CYRIA: variants seen among roughly 807,000 people sequenced by gnomAD.
CYRIA encodes the protein CYFIP related Rac1 interactor A, also known as CYFIP-related Rac1 interactor A.
CYRIA carries 15 observed loss-of-function variants against 43.9 expected under a neutral mutation model. The ratio of observed to expected loss-of-function variants is 0.34; its 90% CI spans 0.23 to 0.53. The LOEUF is 0.53. Among genes scored for constraint, CYRIA ranks in the 20% least tolerant of loss-of-function variants. The pLI, the probability that CYRIA is intolerant of heterozygous loss-of-function variation, is 0.94. For synonymous variants in CYRIA, 117 were observed against 136.0 expected (o/e 0.86, Z 0.97); for missense variants, 236 against 394.2 (o/e 0.60, Z 3.40).
chr2:16,558,647 A>G (rs926252401), intron 10 of CYRIA, among the ~76,000 whole-genome samples: 4 of 152,206 alleles, frequency 2.6e-5, no homozygotes, highest in African/African-American at 4.8e-5. Flanking sequence ...CACCAAAATC[A>G]TGTGTTTTCA....
rs954325360 is a variant in CYRIA, at chr2:16,551,397, C to T, written c.*1539G>A. 1 of 152,114 alleles carries T rather than the reference C, an allele frequency of 6.6e-6. No homozygotes were observed. Among genetic ancestry groups the T allele is most frequent in the Non-Finnish European group, 1.5e-5 (1 of 68,028 alleles). 9.4% of individuals were successfully genotyped at this position (152,114 alleles called of 1,614,324 possible). ...GGAAACAGGCAAGTAACAATATAGA[C>T]CAGACTGAGGATTTACTTAGAAGGG... is the stretch of plus-strand genomic sequence containing the variant. On this transcript the variant is annotated 3_prime_UTR_variant, in exon 12 of 12. Coordinates refer to ENST00000381323, the MANE Select transcript of CYRIA (RefSeq NM_030797.4).
intron 2 of CYRIA, among the ~76,000 whole-genome samples, chr2:16,598,824 C>A (rs1212594291): frequency 1.6e-5 from 2 of 123,678 alleles, no homozygotes; most frequent in Non-Finnish European, 3.2e-5. Context: ...TTTAGAGTTT[C>A]CAGTTTTTCT....
At chr2:16,660,483 A>ATAC (rs1419309317) in intron 1 of CYRIA, among the ~76,000 whole-genome samples, 1 of 152,214 alleles carries the variant, frequency 6.6e-6, no homozygotes, top group Non-Finnish European at 1.5e-5. Flanking sequence ...TGCACTTTGT[A>ATAC]AAACACTGGC....
intron 1 of CYRIA, among the ~76,000 whole-genome samples, chr2:16,663,177 A>T (rs921111778): frequency 2.0e-5 from 3 of 152,194 alleles, no homozygotes; most frequent in Non-Finnish European, 2.9e-5. Context: ...TGGGTCCTTC[A>T]GCCTTTCAAA....
At chr2:16,605,680 A>G (rs1404222062) in intron 2 of CYRIA, among the ~76,000 whole-genome samples, 1 of 152,214 alleles carries the variant, frequency 6.6e-6, no homozygotes, top group Non-Finnish European at 1.5e-5. Flanking sequence ...CTAGAAAGTA[A>G]AAGGGAACAC....
intron 1 of CYRIA, among the ~76,000 whole-genome samples, chr2:16,659,931 G>T (rs1046588747): frequency 6.6e-6 from 1 of 152,036 alleles, no homozygotes; most frequent in Admixed American, 6.5e-5. Context: ...TGGTCCCTCT[G>T]TGCCACTCCT....
intron 3 of CYRIA, among the ~76,000 whole-genome samples, chr2:16,579,809 T>TA: frequency 6.6e-6 from 1 of 152,168 alleles, no homozygotes; most frequent in East Asian, 1.9e-4. Flanking sequence ...AACACCAAGA[T>TA]AGACTCAAAT....
chr2:16,586,273 T>C (rs1667726100), intron 3 of CYRIA, among the ~76,000 whole-genome samples: 1 of 152,080 alleles, frequency 6.6e-6, no homozygotes, highest in African/African-American at 2.4e-5. Context: ...TGATAAGAAA[T>C]GGATGGGAAC....
intron 1 of CYRIA, among the ~76,000 whole-genome samples, chr2:16,643,772 T>C (rs1296483140): frequency 6.6e-6 from 1 of 152,170 alleles, no homozygotes; most frequent in Admixed American, 6.5e-5. Context: ...AGAGCCTTTG[T>C]ACAATGAATG....
In CYRIA at chr2:16,631,560, C is replaced by T. The variant is rs544936490; in HGVS notation, c.-166-7541G>A. On this transcript the variant is annotated intron_variant, in intron 1 of 11. Coordinates refer to ENST00000381323, the MANE Select transcript of CYRIA (RefSeq NM_030797.4). Reference sequence around the variant, plus strand: ...TAGAAAGAGCCTGGGGACTCAAGCCCAACAATCATAAACCTCAGTCTCAGG... The same window carrying T: ...TAGAAAGAGCCTGGGGACTCAAGCCTAACAATCATAAACCTCAGTCTCAGG... Among the ~76,000 whole-genome samples, 140 of 152,304 alleles carry T rather than the reference C, an allele frequency of 9.2e-4. 1 individual carries two copies. The highest frequency in any genetic ancestry group is 1.8e-3 in the Non-Finnish European group (121 of 68,032).
chr2:16,571,934 A>G (rs1028101192), intron 3 of CYRIA, among the ~76,000 whole-genome samples: 2 of 152,248 alleles, frequency 1.3e-5, no homozygotes, highest in Admixed American at 6.5e-5. Flanking sequence ...AAAATGGAAA[A>G]GGTCTGCCAG....
chr2:16,628,872 C>T (rs1669240512), intron 1 of CYRIA, among the ~76,000 whole-genome samples: 1 of 152,170 alleles, frequency 6.6e-6, no homozygotes, highest in Non-Finnish European at 1.5e-5. Context: ...AGCTTGTTGG[C>T]CTTATAGATA....
At chr2:16,575,724 C>T (rs1056298928) in intron 3 of CYRIA, among the ~76,000 whole-genome samples, 16 of 151,974 alleles carry the variant, frequency 1.1e-4, no homozygotes, top group East Asian at 5.8e-4. Context: ...GGCGTGATGG[C>T]GGGCGCCTGT....
intron 1 of CYRIA, among the ~76,000 whole-genome samples, chr2:16,660,803 A>G (rs1670232051): frequency 6.6e-6 from 1 of 152,206 alleles, no homozygotes; most frequent in South Asian, 2.1e-4. Flanking sequence ...GCCCTGAGAT[A>G]ATTGCAAATA....
chr2:16,552,323 T>C lies in CYRIA; in HGVS notation c.*613A>G, dbSNP rs569812237. On this transcript the variant is annotated 3_prime_UTR_variant, in exon 12 of 12. Coordinates refer to ENST00000381323, the MANE Select transcript of CYRIA (RefSeq NM_030797.4). The stretch of plus-strand genomic sequence containing the variant: ...AAATACAGGAGATTTTTTTTTCATG[T>C]GAAATTAAAGGAGAACATTAGAGGG... 2 of 152,028 alleles carry C rather than the reference T, an allele frequency of 1.3e-5. No homozygotes were observed. The highest frequency in any genetic ancestry group is 4.2e-4 in the South Asian group (2 of 4,816). 9.4% of individuals were successfully genotyped at this position (152,028 alleles called of 1,614,324 possible).
intron 1 of CYRIA, among the ~76,000 whole-genome samples, chr2:16,625,512 T>C (rs912659110): frequency 6.6e-6 from 1 of 152,102 alleles, no homozygotes; most frequent in African/African-American, 2.4e-5. Context: ...TGGACGTTAG[T>C]GGAGCTGGGC....
intron 6 of CYRIA, 78 bp from the exon 7 acceptor site, chr2:16,561,611 T>C: frequency 6.4e-6 from 7 of 1,090,472 alleles, no homozygotes; most frequent in Non-Finnish European, 8.4e-6. Context: ...GCCCAGACAC[T>C]AGATTTTATA....
At chr2:16,566,345 AT>A (rs1293813098) in intron 3 of CYRIA, among the ~76,000 whole-genome samples, 4 of 152,184 alleles carry the variant, frequency 2.6e-5, no homozygotes, top group African/African-American at 9.7e-5. Context: ...GCAACTGAAT[AT>A]TTCTGCTTTG....
At chr2:16,622,407 G>A (rs1376562713) in intron 2 of CYRIA, among the ~76,000 whole-genome samples, 6 of 152,162 alleles carry the variant, frequency 3.9e-5, no homozygotes, top group African/African-American at 1.2e-4. Context: ...TTTTTAAATC[G>A]TTGGGGCTTA....
Sources: allele counts gnomAD v4.1 joint callset (sites outside exome capture counted in the v4.1 genomes callset), GRCh38; gene constraint gnomAD v4.1.1; transcripts MANE v1.5; gene names NCBI Gene and HGNC (gene_info 2026-07-23, HGNC 2026-07-21).